The following BMERB1 variants were observed in gnomAD, a reference collection of about 807,000 sequenced individuals.
The protein encoded by BMERB1 is bMERB domain containing 1.
BMERB1 carries 12 observed loss-of-function variants against 23.6 expected under a neutral mutation model. The ratio of observed to expected loss-of-function variants is 0.51; its 90% CI spans 0.33 to 0.82. The LOEUF (loss-of-function observed/expected upper bound fraction) is 0.82, where lower values mean the gene tolerates loss of function less well. Among genes scored for constraint, BMERB1 ranks in the 40% least tolerant of loss-of-function variants. The pLI, the probability that BMERB1 is intolerant of heterozygous loss-of-function variation, is 0.03. For synonymous variants in BMERB1, 122 were observed against 96.6 expected, an observed-to-expected ratio of 1.26 and a Z score of -1.54; for missense variants, 247 against 255.4, an observed-to-expected ratio of 0.97 and a Z score of 0.22.
At chr16:15,543,578 T>C (rs1379205549) in intron 2 of BMERB1, among the ~76,000 whole-genome samples, 3 of 152,052 alleles carry the variant, frequency 2.0e-5, no homozygotes, top group Non-Finnish European at 4.4e-5. Flanking sequence ...CCCAGCACTT[T>C]GGGAGGTCGA....
chr16:15,471,140 T>C (rs981901905), intron 1 of BMERB1, among the ~76,000 whole-genome samples: 5 of 152,096 alleles, frequency 3.3e-5, no homozygotes, highest in African/African-American at 1.2e-4. Flanking sequence ...CCTGGCCAAG[T>C]GTTACCTTTT....
chr16:15,491,652 C>T (rs1477330291), intron 1 of BMERB1, among the ~76,000 whole-genome samples: 3 of 152,140 alleles, frequency 2.0e-5, no homozygotes, highest in Non-Finnish European at 4.4e-5. Context: ...TCTGCCTTTT[C>T]TCTTTCTTTT....
At chr16:15,507,535 G>C (rs1245889285) in intron 1 of BMERB1, among the ~76,000 whole-genome samples, 2 of 152,098 alleles carry the variant, frequency 1.3e-5, no homozygotes, top group Non-Finnish European at 2.9e-5. Context: ...TCTCCACACA[G>C]CAAGCAAGCT....
intron 1 of BMERB1, among the ~76,000 whole-genome samples, chr16:15,453,437 G>T (rs1473319233): frequency 2.0e-5 from 3 of 152,042 alleles, no homozygotes; most frequent in Non-Finnish European, 2.9e-5. Context: ...AATTACCTGG[G>T]TGTGGTGGTG....
chr16:15,548,130 G>A (rs998704060), intron 2 of BMERB1, among the ~76,000 whole-genome samples: 1 of 152,012 alleles, frequency 6.6e-6, no homozygotes, highest in African/African-American at 2.4e-5. Context: ...GATTACAGCT[G>A]TGCACCACCA....
At chr16:15,489,813 T>G (rs557385486) in intron 1 of BMERB1, among the ~76,000 whole-genome samples, 74 of 152,258 alleles carry the variant, frequency 4.9e-4, no homozygotes, top group Admixed American at 1.4e-3. Context: ...GTTTATCCCA[T>G]GTACACTTCT....
chr16:15,492,083 C>T (rs1171111706), intron 1 of BMERB1, among the ~76,000 whole-genome samples: 2 of 152,190 alleles, frequency 1.3e-5, no homozygotes, highest in Admixed American at 6.5e-5. Flanking sequence ...TGCAGAGGAG[C>T]GACCATCCAC....
chr16:15,587,025 C>T lies in BMERB1; in HGVS notation c.*196C>T, dbSNP rs566851650. ...GAGTGTAGCAGTAGGGAGTCTCTCA[C>T]CGTCGCATGGTCCTCCCCAGAGCAT... On this transcript the variant is annotated 3_prime_UTR_variant, in exon 6 of 6. Transcript: ENST00000300006. 8.4e-4 allele frequency: 471 copies of T among 563,778 alleles called. 1 individual carries two copies. Among genetic ancestry groups the T allele is most frequent in the African/African-American group, 7.6e-3 (402 of 52,732 alleles). 34.9% of individuals were successfully genotyped at this position (563,778 alleles called of 1,614,324 possible).
intron 2 of BMERB1, among the ~76,000 whole-genome samples, chr16:15,566,348 A>G (rs1172815776): frequency 6.6e-6 from 1 of 152,218 alleles, no homozygotes; most frequent in Non-Finnish European, 1.5e-5. Context: ...ATCTCTCCGG[A>G]GGGCAATTTG....
intron 2 of BMERB1, among the ~76,000 whole-genome samples, chr16:15,534,559 A>C (rs1345612587): frequency 6.6e-6 from 1 of 152,128 alleles, no homozygotes; most frequent in South Asian, 2.1e-4. Context: ...GTCTTAAAAA[A>C]AAAGTCAATG....
intron 1 of BMERB1, among the ~76,000 whole-genome samples, chr16:15,459,761 T>A (rs1286098076): frequency 6.6e-6 from 1 of 152,170 alleles, no homozygotes; most frequent in African/African-American, 2.4e-5. Flanking sequence ...CATACTGAAG[T>A]GCACCATAGT....
At chr16:15,507,595 A>C (rs1215344275) in intron 1 of BMERB1, among the ~76,000 whole-genome samples, 2 of 152,092 alleles carry the variant, frequency 1.3e-5, no homozygotes, top group African/African-American at 4.8e-5. Flanking sequence ...CCAGCTTGAA[A>C]TGCTCCTCCC....
At chr16:15,526,556 C>T (rs968042582) in intron 2 of BMERB1, among the ~76,000 whole-genome samples, 2 of 146,128 alleles carry the variant, frequency 1.4e-5, no homozygotes, top group Non-Finnish European at 3.0e-5. Flanking sequence ...CCCAGCTAGT[C>T]GGGAGGCTGA....
chr16:15,458,970 G>C (rs2051112361), intron 1 of BMERB1, among the ~76,000 whole-genome samples: 2 of 152,052 alleles, frequency 1.3e-5, no homozygotes, highest in Admixed American at 6.6e-5. Context: ...ATCCGGGCGT[G>C]GTGGCGGGCG....
At chr16:15,557,664 A>G (rs557037778) in intron 2 of BMERB1, among the ~76,000 whole-genome samples, 22 of 152,190 alleles carry the variant, frequency 1.4e-4, no homozygotes, top group Non-Finnish European at 2.8e-4. Flanking sequence ...AGAGGTTTCC[A>G]AGGATCTGGA....
intron 1 of BMERB1, among the ~76,000 whole-genome samples, chr16:15,466,947 A>G (rs2051185611): frequency 6.6e-6 from 1 of 152,162 alleles, no homozygotes; most frequent in Admixed American, 6.5e-5. Flanking sequence ...GGAATCATGC[A>G]GTATATAACC....
rs200671510 is a variant in BMERB1, at chr16:15,476,025, T to C, written c.107-39280T>C. The stretch of plus-strand genomic sequence containing the variant: ...CATCCTGAATCACATCACTTGACTT[T>C]CTGATGTGGTCTAAAGCCCCCCTGT... On this transcript the variant is annotated intron_variant, in intron 1 of 5. Transcript: ENST00000300006. Among the ~76,000 whole-genome samples the C allele has an allele frequency of 1.5e-4, 23 of 152,300 alleles. No homozygotes were observed. The East Asian group carries it at 4.3e-3, about 28-fold the overall frequency.
intron 1 of BMERB1, among the ~76,000 whole-genome samples, chr16:15,482,593 G>A (rs964518516): frequency 1.3e-5 from 2 of 152,140 alleles, no homozygotes; most frequent in African/African-American, 4.8e-5. Flanking sequence ...AAGGGCACCT[G>A]TGGAAGCAGC....
chr16:15,514,083 C>G (rs1331359183), intron 1 of BMERB1, among the ~76,000 whole-genome samples: 2 of 151,726 alleles, frequency 1.3e-5, no homozygotes, highest in Non-Finnish European at 2.9e-5. Flanking sequence ...CCAACCTTGG[C>G]AACATAGTGA....
Sources: allele counts gnomAD v4.1 joint callset (sites outside exome capture counted in the v4.1 genomes callset), GRCh38; gene constraint gnomAD v4.1.1; transcripts MANE v1.5; gene names NCBI Gene and HGNC (gene_info 2026-07-23, HGNC 2026-07-21).